The following SDR9C7 variants were observed in gnomAD, a reference collection of about 807,000 sequenced individuals.
The protein encoded by SDR9C7 is short chain dehydrogenase/reductase family 9C member 7, also known as short-chain dehydrogenase/reductase family 9C member 7.
Under a neutral mutation model 23.6 loss-of-function variants are expected in SDR9C7, and 11 were observed. The observed-to-expected ratio is 0.47, with a 90% CI of 0.29 to 0.77. The LOEUF is 0.77. Among genes scored for constraint, SDR9C7 ranks in the 30% least tolerant of loss-of-function variants. SDR9C7 has a pLI of 0.09. For synonymous variants in SDR9C7, 167 were observed against 157.3 expected, an observed-to-expected ratio of 1.06 and a Z score of -0.46; for missense variants, 387 against 407.1, an observed-to-expected ratio of 0.95 and a Z score of 0.42.
intron 1 of SDR9C7, among the ~76,000 whole-genome samples, chr12:56,931,326 C>T (rs1442964544): frequency 6.6e-6 from 1 of 151,850 alleles, no homozygotes; most frequent in Non-Finnish European, 1.5e-5. Context: ...ATGAACAACA[C>T]AGCATCTTAT....
intron 3 of SDR9C7, among the ~76,000 whole-genome samples, chr12:56,928,729 C>T (rs186724029): frequency 1.3e-5 from 2 of 152,302 alleles, no homozygotes; most frequent in South Asian, 2.1e-4. Flanking sequence ...AGACAACTTT[C>T]GTGGCAGAAA....
intron 3 of SDR9C7, 40 bp downstream of exon 3, chr12:56,929,350 C>T (rs756683368): frequency 3.7e-5 from 58 of 1,584,020 alleles, no homozygotes; most frequent in Non-Finnish European, 4.2e-5. Context: ...AAGACCCACT[C>T]GCCCCCCTCA....
chr12:56,929,353 C>G (rs1955752666), intron 3 of SDR9C7, 37 bp downstream of exon 3: 2 of 1,587,010 alleles, frequency 1.3e-6, no homozygotes, highest in Admixed American at 1.7e-5. Context: ...ACCCACTCGC[C>G]CCCCTCAGAG....
Position 56,929,516 on chromosome 12 carries a change from T to C in SDR9C7, c.598A>G (p.Ile200Val). 6.2e-7 allele frequency: 1 copy of C among 1,612,122 alleles called. No individual in the cohort carries two copies. The highest frequency in any genetic ancestry group is 8.5e-7 in the Non-Finnish European group (1 of 1,178,294). The change falls in exon 3 of 4, where the codon ATT becomes GTT. Residue 200 changes from isoleucine (I) to valine (V), a missense_variant. Physicochemically the swap from Ile to Val is conservative, Grantham distance 29. Coordinates refer to ENST00000293502, the MANE Select transcript of SDR9C7 (RefSeq NM_148897.3). ...GCTGTCCGATAGTTCCCTGGCTCAA[T>C]GATGCAGACTTTCACCCCAAAGTAG... ...LYYFGVKVCIIEPGNYRTAIL... is the reference protein window; with the variant it reads ...LYYFGVKVCIVEPGNYRTAIL...
chr12:56,930,447 C>A lies in SDR9C7; in HGVS notation c.339G>T (p.Leu113=). 1 of 1,614,146 alleles carries A rather than the reference C, an allele frequency of 6.2e-7. No individual in the cohort carries two copies. Among genetic ancestry groups the A allele is most frequent in the Non-Finnish European group, 8.5e-7 (1 of 1,180,018 alleles). ...TCAGCCATTCGTTGGGACCACTGGGCAGGCCCACACCAGCATTGTTCACCA... is the reference window on the plus strand; with the variant it reads ...TCAGCCATTCGTTGGGACCACTGGGAAGGCCCACACCAGCATTGTTCACCA... The part of the protein sequence containing the change: ...WALVNNAGVG[L]PSGPNEWLTK... The change falls in exon 2 of 4, where the codon CTG becomes CTT. Residue 113 remains leucine (L), a synonymous_variant. Coordinates refer to ENST00000293502, the MANE Select transcript of SDR9C7 (RefSeq NM_148897.3).
Position 56,923,872 on chromosome 12 carries a change from G to C in SDR9C7, c.903C>G (p.Ile301Met), listed in dbSNP as rs748866869. 8.1e-6 allele frequency: 13 copies of C among 1,613,804 alleles called. No individual in the cohort carries two copies. The highest frequency in any genetic ancestry group is 3.3e-5 in the Admixed American group (2 of 59,994). ...AKLPTPVTDFILSRYLPRPAD... is the reference protein window; with the variant it reads ...AKLPTPVTDFMLSRYLPRPAD... ...CTGGCCTTGGAAGGTACCGGCTTAG[G>C]ATGAAATCTGTCACAGGGGTGGGCA... Residue 301 changes from isoleucine to methionine, a missense_variant, in exon 4 of 4, where the codon ATC becomes ATG. Transcript: ENST00000293502.
intron 3 of SDR9C7, among the ~76,000 whole-genome samples, chr12:56,924,978 G>A (rs1177062050): frequency 6.6e-6 from 1 of 152,000 alleles, no homozygotes; most frequent in East Asian, 1.9e-4. Context: ...AGACACTGGG[G>A]GAGTACAGAA....
chr12:56,925,767 C>A (rs762406299), intron 3 of SDR9C7, among the ~76,000 whole-genome samples: 1 of 152,212 alleles, frequency 6.6e-6, no homozygotes, highest in Non-Finnish European at 1.5e-5. Flanking sequence ...TCGAAGGAAT[C>A]GTTCAGGATG....
At chr12:56,932,410 G>A (rs540846358) in intron 1 of SDR9C7, among the ~76,000 whole-genome samples, 56 of 152,290 alleles carry the variant, frequency 3.7e-4, no homozygotes, top group Admixed American at 1.2e-3. Flanking sequence ...TCGATGAGAC[G>A]GATTCTCCTC....
At chr12:56,924,814 A>G (rs1291317453) in intron 3 of SDR9C7, among the ~76,000 whole-genome samples, 1 of 152,094 alleles carries the variant, frequency 6.6e-6, no homozygotes, top group Non-Finnish European at 1.5e-5. Context: ...GCAGCTACTC[A>G]GGAGGCTGAG....
At chr12:56,926,464 T>C (rs2136367073) in intron 3 of SDR9C7, among the ~76,000 whole-genome samples, 1 of 152,332 alleles carries the variant, frequency 6.6e-6, no homozygotes, top group South Asian at 2.1e-4. Context: ...CCATGCTCCC[T>C]ACTATAGCAA....
chr12:56,930,267 G>A lies in SDR9C7; in HGVS notation c.519C>T (p.Cys173=), dbSNP rs139321947. The A allele has an allele frequency of 5.3e-5, 85 of 1,614,126 alleles. No homozygotes were observed. The highest frequency in any genetic ancestry group is 2.2e-4 in the East Asian group (10 of 44,880). ...GRVAVIGGGY[C]VSKFGVEAFS... ...AGGCCTCAACGCCAAACTTGGAGAC[G>A]CAGTAGCCACCACCAATGACAGCCA... Residue 173 remains cysteine (C), a synonymous_variant, in exon 2 of 4, where the codon TGC becomes TGT. Transcript: ENST00000293502.
intron 3 of SDR9C7, among the ~76,000 whole-genome samples, chr12:56,925,340 T>G (rs567696408): frequency 3.9e-5 from 6 of 152,128 alleles, no homozygotes; most frequent in Admixed American, 3.3e-4. Flanking sequence ...GACAGGGGGA[T>G]TCATGCTTCA....
chr12:56,934,278 G>A lies in SDR9C7; in HGVS notation c.-17C>T, dbSNP rs1361509357. 1.2e-6 allele frequency: 2 copies of A among 1,603,486 alleles called. No individual in the cohort carries two copies. Among genetic ancestry groups the A allele is most frequent in the Admixed American group, 1.7e-5 (1 of 59,676 alleles). Reference sequence around the variant, plus strand: ...GGCCGCCATAGGGCAAGGGGAATGTGATGGCCAAGAGGGACTGGGCTCAGG... The same window carrying A: ...GGCCGCCATAGGGCAAGGGGAATGTAATGGCCAAGAGGGACTGGGCTCAGG... On this transcript the variant is annotated 5_prime_UTR_variant, in exon 1 of 4. Coordinates refer to ENST00000293502, the MANE Select transcript of SDR9C7 (RefSeq NM_148897.3).
chr12:56,928,756 G>A (rs1565613290), intron 3 of SDR9C7, among the ~76,000 whole-genome samples: 1 of 152,186 alleles, frequency 6.6e-6, no homozygotes, highest in Non-Finnish European at 1.5e-5. Flanking sequence ...GGGCAGCAGG[G>A]TAAACAGCTG....
chr12:56,934,079 T>A lies in SDR9C7; in HGVS notation c.183A>T (p.Gly61=), dbSNP rs376223276. The A allele has an allele frequency of 2.5e-6, 4 of 1,614,110 alleles. No individual in the cohort carries two copies. The African/African-American group carries it at 5.3e-5, about 22-fold the overall frequency. Reference sequence around the variant, plus strand: ...AGGTATCCCGCTGAAGTTTCTGGGATCCCTCCTCAGTGAAGCAAGCAGCCA... The same window carrying A: ...AGGTATCCCGCTGAAGTTTCTGGGAACCCTCCTCAGTGAAGCAAGCAGCCA... ...QVLAACFTEE[G]SQKLQRDTSY... Residue 61 remains glycine, a synonymous_variant, in exon 1 of 4, where the codon GGA becomes GGT. Coordinates refer to ENST00000293502, the MANE Select transcript of SDR9C7 (RefSeq NM_148897.3).
Position 56,930,441 on chromosome 12 carries a change from A to G in SDR9C7, c.345T>C (p.Ser115=), listed in dbSNP as rs1465498350. The G allele has an allele frequency of 6.2e-7, 1 of 1,614,146 alleles. No individual in the cohort carries two copies. Among genetic ancestry groups the G allele is most frequent in the East Asian group, 2.2e-5 (1 of 44,890 alleles). Residue 115 remains serine, a synonymous_variant, in exon 2 of 4, where the codon AGT becomes AGC. Coordinates refer to ENST00000293502, the MANE Select transcript of SDR9C7 (RefSeq NM_148897.3). ...CCTTGGTCAGCCATTCGTTGGGACC[A>G]CTGGGCAGGCCCACACCAGCATTGT... The part of the protein sequence containing the change: ...LVNNAGVGLP[S]GPNEWLTKDD...
intron 3 of SDR9C7, among the ~76,000 whole-genome samples, chr12:56,924,304 CT>C (rs1419814305): frequency 2.0e-5 from 3 of 152,070 alleles, no homozygotes; most frequent in African/African-American, 7.2e-5. Flanking sequence ...TGGCACATGC[CT>C]GTAATCCCAG....
At chr12:56,928,657 A>T (rs1031899269) in intron 3 of SDR9C7, among the ~76,000 whole-genome samples, 13 of 152,204 alleles carry the variant, frequency 8.5e-5, no homozygotes, top group Non-Finnish European at 1.6e-4. Flanking sequence ...TAAAGTGTGT[A>T]TGTATTAAGT....
Sources: allele counts gnomAD v4.1 joint callset (sites outside exome capture counted in the v4.1 genomes callset), GRCh38; gene constraint gnomAD v4.1.1; transcripts MANE v1.5; gene names NCBI Gene and HGNC (gene_info 2026-07-23, HGNC 2026-07-21).